ADAMTS19: variants seen among roughly 807,000 people sequenced by gnomAD.
ADAMTS19 encodes the protein A disintegrin and metalloproteinase with thrombospondin motifs 19.
In ADAMTS19, 93 loss-of-function variants were observed where a neutral mutation model predicts 153.3. That is an observed-to-expected ratio of 0.61 (90% CI 0.51 to 0.72). The LOEUF is 0.72. Among genes scored for constraint, ADAMTS19 ranks in the 30% least tolerant of loss-of-function variants. The probability of loss-of-function intolerance (pLI) is 0.00; values close to 1 mark genes in which losing one functional copy is unlikely to be tolerated. For missense variants in ADAMTS19, 1,482 were observed against 1,552.1 expected, an observed-to-expected ratio of 0.95 and a Z score of 0.76; for synonymous variants, 600 against 556.6, an observed-to-expected ratio of 1.08 and a Z score of -1.10.
At chr5:129,548,692 T>C (rs1048493710) in intron 6 of ADAMTS19, among the ~76,000 whole-genome samples, 3 of 151,904 alleles carry the variant, frequency 2.0e-5, no homozygotes, top group Admixed American at 1.3e-4. Flanking sequence ...ACCCAAAAGA[T>C]TATAAATCAT....
chr5:129,485,324 C>T lies in ADAMTS19; in HGVS notation c.747+23567C>T, dbSNP rs149744851. On this transcript the variant is annotated intron_variant, in intron 2 of 22. Transcript: ENST00000274487. ...TAATGAAAATGAGAGCAAAATGTCT[C>T]TAAACATGTGGGATGCAGCTAAAAC... 2.6e-3 allele frequency among the ~76,000 whole-genome samples: 400 copies of T among 152,180 alleles called. 4 individuals carry two copies. Among genetic ancestry groups the T allele is most frequent in the Admixed American group, 0.024 (368 of 15,288 alleles).
chr5:129,461,742 C>A lies in ADAMTS19; in HGVS notation c.732C>A (p.Thr244=). 2 of 1,503,356 alleles carry A rather than the reference C, an allele frequency of 1.3e-6. No individual in the cohort carries two copies. Among genetic ancestry groups the A allele is most frequent in the Admixed American group, 4.4e-5 (2 of 45,678 alleles). 93.1% of individuals were successfully genotyped at this position (1,503,356 alleles called of 1,614,324 possible). A position where few individuals can be genotyped will look rare whatever the true frequency, so the allele number is the denominator to read the frequency against. The part of the protein sequence containing the change: ...RHPGSLASFS[T]CGGGLMGFIQ... ...CTGGCTCGCTGGCTTCTTTCAGCAC[C>A]TGTGGAGGTGGCCTGGTAAGCGCCT... Residue 244 remains threonine, a synonymous_variant, in exon 2 of 23, where the codon ACC becomes ACA. Coordinates refer to ENST00000274487, the MANE Select transcript of ADAMTS19 (RefSeq NM_133638.6). The surrounding 1 kb of genome is among the most constrained non-coding windows in gnomAD (Gnocchi z 4.6).
At chr5:129,549,132 A>T (rs897769654) in intron 6 of ADAMTS19, among the ~76,000 whole-genome samples, 2 of 151,078 alleles carry the variant, frequency 1.3e-5, no homozygotes, top group African/African-American at 4.9e-5. Context: ...CATATGTAAC[A>T]AACCTGCACA....
At chr5:129,560,736 A>T (rs761216543) in intron 7 of ADAMTS19, among the ~76,000 whole-genome samples, 1 of 152,246 alleles carries the variant, frequency 6.6e-6, no homozygotes, top group African/African-American at 2.4e-5. Context: ...TTATACATAC[A>T]TATGTTTATA....
intron 3 of ADAMTS19, among the ~76,000 whole-genome samples, chr5:129,525,264 T>C (rs887210839): frequency 6.6e-6 from 1 of 152,216 alleles, no homozygotes; most frequent in Admixed American, 6.6e-5. Flanking sequence ...TCTCTCAGCG[T>C]GTATGCATAT....
At chr5:129,709,957 ATTTTCT>A (rs1756361339) in intron 21 of ADAMTS19, among the ~76,000 whole-genome samples, 1 of 146,132 alleles carries the variant, frequency 6.8e-6, no homozygotes, top group Non-Finnish European at 1.5e-5. Flanking sequence ...TCTGTCCTCT[ATTTTCT>A]TTTTTTTTTT....
chr5:129,688,250 A>C (rs1463586596), intron 18 of ADAMTS19: 1 of 152,198 alleles, frequency 6.6e-6, no homozygotes, highest in Non-Finnish European at 1.5e-5. Flanking sequence ...AAACAGATTC[A>C]TGCAAAATTT....
chr5:129,649,649 C>T (rs1314361414), intron 13 of ADAMTS19, among the ~76,000 whole-genome samples: 7 of 151,898 alleles, frequency 4.6e-5, no homozygotes, highest in East Asian at 1.9e-4. Flanking sequence ...ACCTTGATTG[C>T]GGCAGTGGTT....
intron 2 of ADAMTS19, among the ~76,000 whole-genome samples, chr5:129,493,558 G>A (rs1210391276): frequency 1.3e-5 from 2 of 152,000 alleles, no homozygotes; most frequent in Non-Finnish European, 2.9e-5. Context: ...AGAGTATTTG[G>A]TAGATTTCTA....
intron 2 of ADAMTS19, among the ~76,000 whole-genome samples, chr5:129,498,177 A>C (rs1414669982): frequency 6.6e-6 from 1 of 152,024 alleles, no homozygotes. Flanking sequence ...ACTTTACACT[A>C]ATGACACCAT....
At chr5:129,667,434 T>C (rs1754103910) in intron 16 of ADAMTS19, among the ~76,000 whole-genome samples, 1 of 152,168 alleles carries the variant, frequency 6.6e-6, no homozygotes, top group Non-Finnish European at 1.5e-5. Context: ...AATCTCATGC[T>C]AAATTCTGAT....
At position 129,551,853 on chromosome 5, in the gene ADAMTS19, TTTC is replaced by T; in HGVS notation, c.1329-8_1329-6del. ...TTTATCTTTATTTCAGTTTTCTATT[TTTC>T]TTTCTAGGAAAGATTTCTGTGTGCA... On this transcript the variant is annotated splice_polypyrimidine_tract_variant and splice_region_variant and intron_variant, in intron 6 of 22. Transcript: ENST00000274487. The T allele has an allele frequency of 1.3e-6, 2 of 1,553,140 alleles. No homozygotes were observed. Among genetic ancestry groups the T allele is most frequent in the Non-Finnish European group, 1.7e-6 (2 of 1,144,690 alleles).
At chr5:129,606,756 A>G (rs79639224) in intron 8 of ADAMTS19, among the ~76,000 whole-genome samples, 3,640 of 152,254 alleles carry the variant, frequency 0.024, 117 homozygotes, top group African/African-American at 0.079. Context: ...TTCAAACATC[A>G]TGCCTTTATT....
At chr5:129,611,487 A>G (rs538172031) in intron 8 of ADAMTS19, among the ~76,000 whole-genome samples, 1 of 152,318 alleles carries the variant, frequency 6.6e-6, no homozygotes, top group East Asian at 1.9e-4. Flanking sequence ...GAAGGGATCC[A>G]GTTACAGCTT....
intron 2 of ADAMTS19, among the ~76,000 whole-genome samples, chr5:129,483,634 T>C (rs1750492184): frequency 6.6e-6 from 1 of 152,170 alleles, no homozygotes; most frequent in East Asian, 1.9e-4. Flanking sequence ...TAGTGTCAGA[T>C]ATACTACTAC....
In ADAMTS19 at chr5:129,511,924, A is replaced by G. The variant is rs117106421; in HGVS notation, c.913+2682A>G. On this transcript the variant is annotated intron_variant, in intron 3 of 22. Transcript: ENST00000274487. Reference sequence around the variant, plus strand: ...TGAAGTTTTTAGTGCATGCTGTTACATGTTAATGGGTCAAGAACATTTCAG... The same window carrying G: ...TGAAGTTTTTAGTGCATGCTGTTACGTGTTAATGGGTCAAGAACATTTCAG... 1.6e-4 allele frequency among the ~76,000 whole-genome samples: 24 copies of G among 152,128 alleles called. No homozygotes were observed. In the East Asian group the frequency reaches 3.5e-3, roughly 22 times the overall value.
chr5:129,696,324 G>C (rs1755548456), intron 19 of ADAMTS19, among the ~76,000 whole-genome samples: 1 of 152,140 alleles, frequency 6.6e-6, no homozygotes, highest in Non-Finnish European at 1.5e-5. Flanking sequence ...GGCTGAGGCA[G>C]GAGAATCACT....
At chr5:129,630,461 CAT>C (rs1325450219) in intron 10 of ADAMTS19, among the ~76,000 whole-genome samples, 1 of 152,008 alleles carries the variant, frequency 6.6e-6, no homozygotes, top group Non-Finnish European at 1.5e-5. Context: ...TAGACTCTCA[CAT>C]ATGTGTACAA....
At chr5:129,666,646 C>T (rs776998957) in intron 16 of ADAMTS19, among the ~76,000 whole-genome samples, 1 of 152,128 alleles carries the variant, frequency 6.6e-6, no homozygotes, top group Non-Finnish European at 1.5e-5. Flanking sequence ...TCATGTGACA[C>T]ACTCATTACC....
Sources: allele counts gnomAD v4.1 joint callset (sites outside exome capture counted in the v4.1 genomes callset), GRCh38; gene constraint gnomAD v4.1.1; non-coding constraint Gnocchi (gnomAD v3.1); transcripts MANE v1.5; gene names NCBI Gene and HGNC (gene_info 2026-07-23, HGNC 2026-07-21).